Variants in DPH6 observed in about 807,000 individuals in gnomAD.
The protein encoded by DPH6 is diphthamine biosynthesis 6.
DPH6 carries 33 observed loss-of-function variants against 38.2 expected under a neutral mutation model. The observed-to-expected ratio is 0.86, with a 90% CI of 0.65 to 1.15. The LOEUF is 1.15. Ranked by LOEUF, DPH6 falls within the 50% of genes most tolerant of loss-of-function variation. The probability of loss-of-function intolerance (pLI) is 0.00; values close to 1 mark genes in which losing one functional copy is unlikely to be tolerated. For synonymous variants in DPH6, 108 were observed against 103.0 expected, an observed-to-expected ratio of 1.05 and a Z score of -0.30; for missense variants, 325 against 320.0, an observed-to-expected ratio of 1.02 and a Z score of -0.12.
At chr15:35,389,065 G>A (rs1481959565) in intron 6 of DPH6, among the ~76,000 whole-genome samples, 1 of 152,146 alleles carries the variant, frequency 6.6e-6, no homozygotes, top group African/African-American at 2.4e-5. Flanking sequence ...TGGTTTCAAA[G>A]AAATCTTTAT....
chr15:35,356,574 A>C (rs868364001), intron 3 of DPH6, among the ~76,000 whole-genome samples: 56 of 152,328 alleles, frequency 3.7e-4, no homozygotes, highest in African/African-American at 1.3e-3. Context: ...CCTGGGTATC[A>C]GCAGTGGAGC....
chr15:35,350,322 G>GTTTTTTTTT (rs60012895), intron 3 of DPH6, among the ~76,000 whole-genome samples: 1 of 139,902 alleles, frequency 7.1e-6, no homozygotes, highest in Admixed American at 7.1e-5. Context: ...ACTGGAGTCT[G>GTTTTTTTTT]TTTTTTTTTT....
intron 3 of DPH6, among the ~76,000 whole-genome samples, chr15:35,224,538 T>C (rs1489179712): frequency 6.6e-6 from 1 of 152,220 alleles, no homozygotes; most frequent in Non-Finnish European, 1.5e-5. Context: ...AACATTCATG[T>C]ATTGGTTTTT....
chr15:35,332,094 G>A (rs761427140), intron 3 of DPH6, among the ~76,000 whole-genome samples: 11 of 152,124 alleles, frequency 7.2e-5, no homozygotes, highest in South Asian at 2.1e-4. Context: ...ACATTGCTTC[G>A]AATCAGCTTC....
At chr15:35,345,085 C>T (rs956489094) in intron 3 of DPH6, among the ~76,000 whole-genome samples, 10 of 151,712 alleles carry the variant, frequency 6.6e-5, no homozygotes, top group African/African-American at 2.2e-4. Context: ...TATTATCATC[C>T]ATATTTTATA....
chr15:35,313,246 T>A (rs1267652782), intron 3 of DPH6, among the ~76,000 whole-genome samples: 1 of 151,904 alleles, frequency 6.6e-6, no homozygotes, highest in Non-Finnish European at 1.5e-5. Flanking sequence ...AAAAATTTTT[T>A]TTTTTTTTTT....
chr15:35,342,809 T>C (rs1332077113), intron 3 of DPH6, among the ~76,000 whole-genome samples: 2 of 152,222 alleles, frequency 1.3e-5, no homozygotes, highest in Admixed American at 6.5e-5. Flanking sequence ...TCTGTTTTTC[T>C]TTATAATTTT....
At chr15:35,474,844 A>T (rs1310606111) in intron 3 of DPH6, among the ~76,000 whole-genome samples, 1 of 152,066 alleles carries the variant, frequency 6.6e-6, no homozygotes, top group Non-Finnish European at 1.5e-5. Context: ...GGAAGGAAAT[A>T]GTTAGAATAC....
chr15:35,407,371 T>C (rs969004996), intron 6 of DPH6, among the ~76,000 whole-genome samples: 1 of 152,064 alleles, frequency 6.6e-6, no homozygotes, highest in South Asian at 2.1e-4. Flanking sequence ...GTATACTTAG[T>C]GTTCACCATA....
rs118103011 is a variant in DPH6, at chr15:35,523,915, T to C, written c.312+14359A>G. On this transcript the variant is annotated intron_variant, in intron 3 of 8. Transcript: ENST00000256538. Reference sequence around the variant, plus strand: ...CTCACAGAACCATGAAAGTTGCCAATACCCAAATTACTAATTCCTAATACA... The same window carrying C: ...CTCACAGAACCATGAAAGTTGCCAACACCCAAATTACTAATTCCTAATACA... Among the ~76,000 whole-genome samples the C allele has an allele frequency of 3.5e-4, 54 of 152,160 alleles. No individual in the cohort carries two copies. The East Asian group carries it at 8.3e-3, about 23-fold the overall frequency.
intron 5 of DPH6, among the ~76,000 whole-genome samples, chr15:35,449,070 G>A (rs1259308937): frequency 2.0e-5 from 3 of 150,022 alleles, no homozygotes; most frequent in Non-Finnish European, 4.4e-5. Context: ...TTTTAAATGG[G>A]AGGAAAAAGG....
At chr15:35,484,918 AAAGC>A (rs560160410) in intron 3 of DPH6, among the ~76,000 whole-genome samples, 9 of 152,340 alleles carry the variant, frequency 5.9e-5, no homozygotes, top group Non-Finnish European at 1.3e-4. Flanking sequence ...GCAGAAACTA[AAAGC>A]AAGAAAGCAT....
intron 3 of DPH6, among the ~76,000 whole-genome samples, chr15:35,233,675 C>T (rs919586014): frequency 2.6e-5 from 4 of 152,158 alleles, no homozygotes; most frequent in East Asian, 1.9e-4. Context: ...CCCTTATAGA[C>T]AAGCACAAAG....
intron 3 of DPH6, among the ~76,000 whole-genome samples, chr15:35,355,593 T>C (rs909560006): frequency 2.6e-5 from 4 of 152,222 alleles, no homozygotes; most frequent in Non-Finnish European, 4.4e-5. Context: ...TTCTTTTCTT[T>C]AAGAATGTTG....
At chr15:35,391,660 C>T (rs1468686065) in intron 6 of DPH6, among the ~76,000 whole-genome samples, 1 of 152,218 alleles carries the variant, frequency 6.6e-6, no homozygotes, top group Admixed American at 6.5e-5. Context: ...GATATAATCT[C>T]CTGGTGTGCA....
At chr15:35,238,632 C>T (rs558014369) in intron 3 of DPH6, among the ~76,000 whole-genome samples, 1 of 152,362 alleles carries the variant, frequency 6.6e-6, no homozygotes, top group East Asian at 1.9e-4. Context: ...TTAATACTGT[C>T]AGGCCTCTTA....
intron 3 of DPH6, among the ~76,000 whole-genome samples, chr15:35,318,172 A>G (rs2052209898): frequency 6.6e-6 from 1 of 152,140 alleles, no homozygotes; most frequent in South Asian, 2.1e-4. Context: ...ACAAGGATAG[A>G]GAAAGGTTAG....
At chr15:35,444,827 GCT>G (rs2053830459) in intron 5 of DPH6, among the ~76,000 whole-genome samples, 1 of 152,088 alleles carries the variant, frequency 6.6e-6, no homozygotes, top group South Asian at 2.1e-4. Flanking sequence ...TTCATCACGA[GCT>G]TTCAGGAACA....
At chr15:35,184,372 C>A in the DPH6 span, among the ~76,000 whole-genome samples, 1 of 152,256 alleles carries the variant, frequency 6.6e-6, no homozygotes, top group African/African-American at 2.4e-5. Flanking sequence ...AATGCATATT[C>A]TGAGCATTCT....
Sources: gnomAD v4.1 joint callset for allele counts (sites outside exome capture counted in the v4.1 genomes callset) on GRCh38, gnomAD v4.1.1 for gene constraint, MANE v1.5 for transcripts, NCBI Gene and HGNC (gene_info 2026-07-23, HGNC 2026-07-21) for gene names.